PPP6R1: variants seen among roughly 807,000 people sequenced by gnomAD.
PPP6R1 encodes the protein serine/threonine-protein phosphatase 6 regulatory subunit 1.
In PPP6R1, 39 loss-of-function variants were observed where a neutral mutation model predicts 104.6. The observed-to-expected ratio is 0.37, with a 90% CI of 0.29 to 0.49. PPP6R1 has a LOEUF of 0.49. PPP6R1 is among the 20% of genes least tolerant of loss of function. The pLI, the probability that PPP6R1 is intolerant of heterozygous loss-of-function variation, is 0.98. For missense variants in PPP6R1, 1,181 were observed against 1,155.8 expected (o/e 1.02, Z -0.32); for synonymous variants, 549 against 479.0 (o/e 1.15, Z -1.91).
rs2087466832 is a variant in PPP6R1, at chr19:55,242,396, T to C, written c.711A>G (p.Gln237=). 1.2e-6 allele frequency: 2 copies of C among 1,613,796 alleles called. No homozygotes were observed. The highest frequency in any genetic ancestry group is 8.5e-7 in the Non-Finnish European group (1 of 1,179,688). Residue 237 remains glutamine (Q), a synonymous_variant, in exon 6 of 24, where the codon CAA becomes CAG. Coordinates refer to ENST00000412770, the MANE Select transcript of PPP6R1 (RefSeq NM_014931.4). ...CCCACTTCTCCAGGGTGGCCAGCAG[T>C]TGGTCAGGCTCTGGGCTGTCCTGGA... is the stretch of plus-strand genomic sequence containing the variant. The part of the protein sequence containing the change: ...IQVQDSPEPD[Q]LLATLEKQET...
chr19:55,230,565 A>G (rs910834288), intron 23 of PPP6R1, 34 bp from the exon 24 acceptor site: 1 of 1,613,538 alleles, frequency 6.2e-7, no homozygotes. Context: ...GTGAGGGTCT[A>G]GCAGGCCCAG....
rs1187837334 is a variant in PPP6R1 at position 55,258,883 on chromosome 19, G to A, written c.-455C>T. 2 of 152,226 alleles carry A rather than the reference G, an allele frequency of 1.3e-5. No individual in the cohort carries two copies. Among genetic ancestry groups the A allele is most frequent in the Non-Finnish European group, 2.9e-5 (2 of 68,056 alleles). 9.4% of individuals were successfully genotyped at this position (152,226 alleles called of 1,614,324 possible). On this transcript the variant is annotated 5_prime_UTR_variant, in exon 1 of 24. Transcript: ENST00000412770. Reference sequence around the variant, plus strand: ...TCCTCCGCGGTCCAAACGGGCCGCAGAGCCGAGCAGCGACCGACGGAAGCC... The same window carrying A: ...TCCTCCGCGGTCCAAACGGGCCGCAAAGCCGAGCAGCGACCGACGGAAGCC...
chr19:55,253,034 C>T (rs1202385764), intron 1 of PPP6R1, among the ~76,000 whole-genome samples: 2 of 152,188 alleles, frequency 1.3e-5, no homozygotes, highest in African/African-American at 4.8e-5. Context: ...AAGGCTCAGC[C>T]CTGGGGCACT....
intron 1 of PPP6R1, among the ~76,000 whole-genome samples, chr19:55,253,948 T>C (rs912708385): frequency 2.0e-5 from 3 of 152,142 alleles, no homozygotes; most frequent in East Asian, 1.9e-4. Flanking sequence ...TGAAAAGGCA[T>C]TGAGCTAAAG....
rs1193718308 is a variant in PPP6R1 at position 55,236,807 on chromosome 19, T to C, written c.1824A>G (p.Leu608=). ...TGCGGTCCTTGTAGCATATCTCAAG[T>C]AGGTTGGCGTTGGGCTGCAGGGCAC... The part of the protein sequence containing the change: ...NADDENPNAN[L]LEICYKDRIQ... The change falls in exon 17 of 24, where the codon CTA becomes CTG. Residue 608 remains leucine, a synonymous_variant. Transcript: ENST00000412770. 1.2e-5 allele frequency: 20 copies of C among 1,613,864 alleles called. No individual in the cohort carries two copies. The highest frequency in any genetic ancestry group is 1.7e-5 in the Non-Finnish European group (20 of 1,179,838).
chr19:55,242,033 G>T (rs531410865), intron 7 of PPP6R1, 133 bp downstream of exon 7: 162 of 813,336 alleles, frequency 2.0e-4, no homozygotes, highest in Admixed American at 3.5e-4. Flanking sequence ...CACTGTGCAG[G>T]GAGCACAGGC....
Position 55,240,643 on chromosome 19 carries a change from G to A in PPP6R1, c.1296+302C>T, listed in dbSNP as rs899423945. Among the ~76,000 whole-genome samples, 13 of 78,732 alleles carry A rather than the reference G, an allele frequency of 1.7e-4. No individual in the cohort carries two copies. The highest frequency in any genetic ancestry group is 4.5e-4 in the African/African-American group (12 of 26,478). The allele number at this position is 78,732 out of a possible 152,430, so 51.7% of individuals were successfully genotyped here. Reference sequence around the variant, plus strand: ...CACACACATACATGCTCTCACACACGCTTGCACTGACACATGCTCACACAC... The same window carrying A: ...CACACACATACATGCTCTCACACACACTTGCACTGACACATGCTCACACAC... On this transcript the variant is annotated intron_variant, in intron 10 of 23. Transcript: ENST00000412770.
rs559353884 is a variant in PPP6R1 at position 55,235,550 on chromosome 19, G to A, written c.1988+1093C>T. 5.1e-3 allele frequency among the ~76,000 whole-genome samples: 755 copies of A among 146,604 alleles called. 5 individuals are homozygous for A. Among genetic ancestry groups the A allele is most frequent in the Middle Eastern group, 0.021 (6 of 282 alleles). ...TTTTTTTTTTCTGAGACAGAGTCTC[G>A]CTCTGTCGCCCAGGCTGGAGTACAG... On this transcript the variant is annotated intron_variant, in intron 17 of 23. Transcript: ENST00000412770.
chr19:55,241,111 G>A lies in PPP6R1; in HGVS notation c.1162-32C>T, dbSNP rs764457012. 13 of 1,543,836 alleles carry A rather than the reference G, an allele frequency of 8.4e-6. No individual in the cohort carries two copies. The East Asian group carries it at 2.0e-4, about 23-fold the overall frequency. On this transcript the variant is annotated intron_variant, in intron 9 of 23. Coordinates refer to ENST00000412770, the MANE Select transcript of PPP6R1 (RefSeq NM_014931.4). The surrounding 1 kb of genome is among the most constrained non-coding windows in gnomAD (Gnocchi z 5.4). Reference sequence around the variant, plus strand: ...GAGGACACAGGATTGGTACCAGAGAGGCCCCGCCCCAGCCGAGCCCCCAAC... The same window carrying A: ...GAGGACACAGGATTGGTACCAGAGAAGCCCCGCCCCAGCCGAGCCCCCAAC...
At chr19:55,250,671 C>T (rs2087545862) in intron 1 of PPP6R1, among the ~76,000 whole-genome samples, 2 of 152,128 alleles carry the variant, frequency 1.3e-5, no homozygotes, top group South Asian at 2.1e-4. Context: ...CCAGCTGTGA[C>T]AGCACAGTTC....
Position 55,241,177 on chromosome 19 carries a change from C to T in PPP6R1, c.1161+62G>A. On this transcript the variant is annotated intron_variant, in intron 9 of 23. Transcript: ENST00000412770. The surrounding 1 kb of genome is among the most constrained non-coding windows in gnomAD (Gnocchi z 5.4). The stretch of plus-strand genomic sequence containing the variant: ...CGAGCCCCCACCCCAGCCCCCGAAC[C>T]CTCAGCCCAGTCCAGTCCCCGCCCC... 6.7e-7 allele frequency: 1 copy of T among 1,488,784 alleles called. No homozygotes were observed. The highest frequency in any genetic ancestry group is 8.9e-7 in the Non-Finnish European group (1 of 1,119,420). 92.2% of individuals were successfully genotyped at this position (1,488,784 alleles called of 1,614,324 possible).
chr19:55,258,462 A>T lies in PPP6R1; in HGVS notation c.-34T>A, dbSNP rs1204395144. Reference sequence around the variant, plus strand: ...GCGAGGGGGGGCGGCGGCTCCTCGCACTCGGGGCTCATCGGGGCGCCCCCC... The same window carrying T: ...GCGAGGGGGGGCGGCGGCTCCTCGCTCTCGGGGCTCATCGGGGCGCCCCCC... On this transcript the variant is annotated 5_prime_UTR_variant, in exon 1 of 24. Coordinates refer to ENST00000412770, the MANE Select transcript of PPP6R1 (RefSeq NM_014931.4). The T allele has an allele frequency of 6.7e-6, 1 of 149,536 alleles. No individual in the cohort carries two copies. The highest frequency in any genetic ancestry group is 1.5e-5 in the Non-Finnish European group (1 of 67,048). 9.3% of individuals were successfully genotyped at this position (149,536 alleles called of 1,614,324 possible).
Position 55,245,078 on chromosome 19 carries a change from G to A in PPP6R1, c.618+42C>T. On this transcript the variant is annotated intron_variant, in intron 5 of 23. Coordinates refer to ENST00000412770, the MANE Select transcript of PPP6R1 (RefSeq NM_014931.4). The surrounding 1 kb of genome is among the most constrained non-coding windows in gnomAD (Gnocchi z 6.4). ...AAAGTGGGGAAGTGGGCATGGGGAAGGAACTCTAAGGGGAATCCGCAGGGG... is the reference window on the plus strand; with the variant it reads ...AAAGTGGGGAAGTGGGCATGGGGAAAGAACTCTAAGGGGAATCCGCAGGGG... 1.2e-6 allele frequency: 2 copies of A among 1,605,190 alleles called. No homozygotes were observed. The highest frequency in any genetic ancestry group is 1.1e-5 in the South Asian group (1 of 89,462).
At position 55,241,606 on chromosome 19, in the gene PPP6R1, G is replaced by A. The variant is rs1233984392; in HGVS notation, c.879C>T (p.Ser293=). Residue 293 remains serine (S), a synonymous_variant, in exon 8 of 24, where the codon AGC becomes AGT. Coordinates refer to ENST00000412770, the MANE Select transcript of PPP6R1 (RefSeq NM_014931.4). The surrounding 1 kb of genome is among the most constrained non-coding windows in gnomAD (Gnocchi z 5.4). ...GGAGCTCCAGCTGCCCATCCACACT[G>A]CTGAAGAAGCTGTTCACGGTCACGG... ...SESVTVNSFF[S]SVDGQLELLA... is the part of the protein sequence containing the mutation. The A allele has an allele frequency of 1.9e-6, 3 of 1,586,012 alleles. No homozygotes were observed. The highest frequency in any genetic ancestry group is 1.2e-5 in the South Asian group (1 of 86,852).
intron 1 of PPP6R1, 124 bp from the exon 2 acceptor site, chr19:55,247,233 T>G: frequency 9.8e-7 from 1 of 1,016,680 alleles, no homozygotes; most frequent in African/African-American, 1.6e-5. Flanking sequence ...CCCAGCCCTC[T>G]GCCTCATGCT....
chr19:55,251,413 G>A (rs73068666), intron 1 of PPP6R1, among the ~76,000 whole-genome samples: 3,144 of 152,290 alleles, frequency 0.021, 64 homozygotes, highest in East Asian at 0.076. Flanking sequence ...GTACCTGTCA[G>A]GGCGTTAGAC....
downstream of PPP6R1, chr19:55,228,553 C>A: frequency 1.3e-6 from 2 of 1,529,064 alleles, no homozygotes; most frequent in Non-Finnish European, 1.8e-6. Context: ...CAGGCTGGAC[C>A]CATTCAGGGA....
At chr19:55,228,624 C>A (rs2087308591), downstream of PPP6R1, 3 of 1,562,790 alleles carry the variant, frequency 1.9e-6, no homozygotes, top group East Asian at 4.7e-5. Flanking sequence ...AGCTCCCAGA[C>A]CCGCCGGCTG....
chr19:55,251,628 G>A (rs2122719143), intron 1 of PPP6R1, among the ~76,000 whole-genome samples: 1 of 152,228 alleles, frequency 6.6e-6, no homozygotes, highest in South Asian at 2.1e-4. Context: ...GTGCACAGTG[G>A]TAACTCCCCA....
Sources: gnomAD v4.1 joint callset for allele counts (sites outside exome capture counted in the v4.1 genomes callset) on GRCh38, gnomAD v4.1.1 for gene constraint, Gnocchi (gnomAD v3.1) non-coding constraint, MANE v1.5 for transcripts, NCBI Gene and HGNC (gene_info 2026-07-23, HGNC 2026-07-21) for gene names.